OCM: variants seen among roughly 807,000 people sequenced by gnomAD.
OCM encodes oncomodulin-1.
A neutral mutation model predicts 14.1 loss-of-function variants in OCM; 18 were observed. The ratio of observed to expected loss-of-function variants is 1.28; its 90% CI spans 0.88 to 1.89. OCM has a LOEUF of 1.89. OCM is among the 40% of genes most tolerant of loss of function. The pLI is 0.00. For missense variants in OCM, 140 were observed against 137.6 expected, an observed-to-expected ratio of 1.02 and a Z score of -0.09; for synonymous variants, 48 against 51.0, an observed-to-expected ratio of 0.94 and a Z score of 0.25.
rs865893112 is a variant in OCM at position 5,886,126 on chromosome 7, A to G, written c.*37A>G. ...TCTGGAGAAAAGAGAGAAAGGGATA[A>G]TCACCTGGAAGGATTCCAAAGCCCT... On this transcript the variant is annotated 3_prime_UTR_variant, in exon 4 of 4. Coordinates refer to ENST00000242104, the MANE Select transcript of OCM (RefSeq NM_001097622.2). 2.5e-6 allele frequency: 4 copies of G among 1,594,294 alleles called. No individual in the cohort carries two copies. Among genetic ancestry groups the G allele is most frequent in the Middle Eastern group, 1.7e-4 (1 of 6,022 alleles).
the OCM span, among the ~76,000 whole-genome samples, chr7:5,869,591 C>T: frequency 1.3e-5 from 2 of 151,994 alleles, no homozygotes; most frequent in Non-Finnish European, 2.9e-5. Flanking sequence ...GAGATTCCAT[C>T]TAAAAAAGAA....
chr7:5,871,100 A>C, the OCM span, among the ~76,000 whole-genome samples: 2 of 152,056 alleles, frequency 1.3e-5, no homozygotes, highest in Admixed American at 1.3e-4. Context: ...TAATCCCAGC[A>C]GTTTGGGAGG....
chr7:5,868,502 G>A, the OCM span, among the ~76,000 whole-genome samples: 2 of 152,082 alleles, frequency 1.3e-5, no homozygotes, highest in African/African-American at 2.4e-5. Context: ...GTGAGCTCAC[G>A]AAGACACAGC....
upstream of OCM, among the ~76,000 whole-genome samples, chr7:5,879,566 C>T (rs919377221): frequency 1.4e-4 from 21 of 152,092 alleles, no homozygotes; most frequent in Non-Finnish European, 4.4e-5. Context: ...ACAGAGCACC[C>T]TGTATGTGTT....
the OCM span, among the ~76,000 whole-genome samples, chr7:5,863,500 G>T: frequency 6.6e-6 from 1 of 151,832 alleles, no homozygotes; most frequent in Non-Finnish European, 1.5e-5. Flanking sequence ...GATGGCTGAG[G>T]GGCTGGCTTT....
chr7:5,879,053 T>G (rs1278581283), upstream of OCM, among the ~76,000 whole-genome samples: 1 of 151,794 alleles, frequency 6.6e-6, no homozygotes. Flanking sequence ...TTTAAAAAAT[T>G]AGCCAGGCAT....
upstream of OCM, among the ~76,000 whole-genome samples, chr7:5,875,812 C>T (rs187936791): frequency 6.6e-6 from 1 of 151,946 alleles, no homozygotes; most frequent in East Asian, 1.9e-4. Flanking sequence ...TAATTCAAAA[C>T]TCTTAAGACT....
intron 1 of OCM, among the ~76,000 whole-genome samples, chr7:5,881,417 T>A (rs1240903699): frequency 6.6e-6 from 1 of 150,444 alleles, no homozygotes; most frequent in East Asian, 2.0e-4. Flanking sequence ...AGCCCAGGAG[T>A]TTGAGACCAG....
the OCM span, among the ~76,000 whole-genome samples, chr7:5,874,804 C>T: frequency 6.6e-6 from 1 of 152,006 alleles, no homozygotes; most frequent in African/African-American, 2.4e-5. Context: ...CCGCACCCAA[C>T]CCATCTTAAC....
At chr7:5,876,886 A>G (rs1443303425), upstream of OCM, among the ~76,000 whole-genome samples, 1 of 150,854 alleles carries the variant, frequency 6.6e-6, no homozygotes, top group African/African-American at 2.4e-5. Context: ...GCTCACCGCA[A>G]CCTCCACCTC....
the OCM span, among the ~76,000 whole-genome samples, chr7:5,873,626 TG>T: frequency 6.6e-6 from 1 of 152,086 alleles, no homozygotes; most frequent in Non-Finnish European, 1.5e-5. Flanking sequence ...ATTACAGGCA[TG>T]AGCCACCGAG....
chr7:5,885,498 C>G (rs187270840), intron 3 of OCM, among the ~76,000 whole-genome samples: 2 of 152,126 alleles, frequency 1.3e-5, no homozygotes, highest in East Asian at 3.9e-4. Context: ...TCAAAGACCT[C>G]TATTGCAAAG....
upstream of OCM, among the ~76,000 whole-genome samples, chr7:5,875,836 C>G (rs903791824): frequency 2.7e-5 from 4 of 145,908 alleles, no homozygotes; most frequent in African/African-American, 1.0e-4. Flanking sequence ...TTTCAGAAAC[C>G]TTTTTTTTTT....
chr7:5,882,780 C>T (rs549565604), intron 2 of OCM, among the ~76,000 whole-genome samples, 155 bp downstream of exon 2: 26 of 151,812 alleles, frequency 1.7e-4, no homozygotes, highest in African/African-American at 5.6e-4. Context: ...GTCAGTTGAC[C>T]GCACATCTAC....
the OCM span, among the ~76,000 whole-genome samples, chr7:5,869,902 G>A: frequency 6.6e-6 from 1 of 152,140 alleles, no homozygotes; most frequent in Admixed American, 6.6e-5. Context: ...CAAGAGCACA[G>A]AGGCCCACGC....
chr7:5,861,963 G>A, the OCM span, among the ~76,000 whole-genome samples: 119 of 152,118 alleles, frequency 7.8e-4, 1 homozygote, highest in African/African-American at 2.3e-3. Flanking sequence ...TCACAGGCAC[G>A]AACATTGCAC....
the OCM span, among the ~76,000 whole-genome samples, chr7:5,868,183 C>A: frequency 2.0e-5 from 3 of 151,822 alleles, no homozygotes; most frequent in Non-Finnish European, 4.4e-5. Context: ...GGAGACAGGG[C>A]CTACCAAGGC....
At chr7:5,874,635 G>A in the OCM span, among the ~76,000 whole-genome samples, 1 of 151,962 alleles carries the variant, frequency 6.6e-6, no homozygotes, top group Non-Finnish European at 1.5e-5. Context: ...CTCCCGAGTA[G>A]CTGGGACCAT....
Position 5,883,993 on chromosome 7 carries a change from G to A in OCM, c.298G>A (p.Ala100Thr). ...ADNDGDGKIG[A>T]EEFQEMVHS The stretch of plus-strand genomic sequence containing the variant: ...TAATGATGGAGATGGGAAAATTGGA[G>A]CAGAGGGTATGTCCACACGTGTACG... Residue 100 changes from alanine to threonine, a missense_variant, in exon 3 of 4, where the codon GCA becomes ACA. Ala to Thr is a moderately conservative substitution (Grantham distance 58). Coordinates refer to ENST00000242104, the MANE Select transcript of OCM (RefSeq NM_001097622.2). The A allele has an allele frequency of 6.2e-7, 1 of 1,612,496 alleles. No homozygotes were observed. The highest frequency in any genetic ancestry group is 8.5e-7 in the Non-Finnish European group (1 of 1,179,178).
Sources: allele counts gnomAD v4.1 joint callset (sites outside exome capture counted in the v4.1 genomes callset), GRCh38; gene constraint gnomAD v4.1.1; transcripts MANE v1.5; gene names NCBI Gene and HGNC (gene_info 2026-07-23, HGNC 2026-07-21).